EMCN: variants seen among roughly 807,000 people sequenced by gnomAD.
EMCN encodes the protein endomucin.
In EMCN, 37 loss-of-function variants were observed where a neutral mutation model predicts 38.4. That is an observed-to-expected ratio of 0.96 (90% CI 0.74 to 1.27). The LOEUF is 1.27. EMCN is among the 50% of genes most tolerant of loss of function. The pLI is 0.00. For synonymous variants in EMCN, 95 were observed against 100.8 expected, an observed-to-expected ratio of 0.94 and a Z score of 0.35; for missense variants, 318 against 302.8, an observed-to-expected ratio of 1.05 and a Z score of -0.37.
Position 100,511,677 on chromosome 4 carries a change from G to A in EMCN, c.64+6174C>T, listed in dbSNP as rs148298362. Among the ~76,000 whole-genome samples, 4 of 152,178 alleles carry A rather than the reference G, an allele frequency of 2.6e-5. No individual in the cohort carries two copies. The East Asian group carries it at 7.7e-4, about 29-fold the overall frequency. Reference sequence around the variant, plus strand: ...TTCTTTGAAATGAAAAGGAAGAAGGGTAGTACATATTAATGAGAGTGTCAG... The same window carrying A: ...TTCTTTGAAATGAAAAGGAAGAAGGATAGTACATATTAATGAGAGTGTCAG... On this transcript the variant is annotated intron_variant, in intron 1 of 11. Coordinates refer to ENST00000296420, the MANE Select transcript of EMCN (RefSeq NM_016242.4).
intron 5 of EMCN, among the ~76,000 whole-genome samples, chr4:100,436,112 T>A (rs968776750): frequency 6.6e-6 from 1 of 151,618 alleles, no homozygotes; most frequent in South Asian, 2.1e-4. Flanking sequence ...TAGGAAAAAA[T>A]TTTTGCAATC....
intron 1 of EMCN, among the ~76,000 whole-genome samples, chr4:100,493,447 T>G (rs997342981): frequency 6.6e-5 from 10 of 152,196 alleles, no homozygotes; most frequent in Admixed American, 6.5e-5. Flanking sequence ...TTCTGTGGGC[T>G]CCACATTAAG....
chr4:100,477,849 G>A (rs736518), intron 2 of EMCN, among the ~76,000 whole-genome samples: 39,400 of 151,880 alleles, frequency 0.26, 5,594 homozygotes, highest in African/African-American at 0.36. Flanking sequence ...GAATGGGACA[G>A]TGTATAAAAC....
chr4:100,435,323 G>A (rs908934382), intron 5 of EMCN, among the ~76,000 whole-genome samples: 2 of 152,126 alleles, frequency 1.3e-5, no homozygotes, highest in Non-Finnish European at 2.9e-5. Flanking sequence ...AACAAGGGAA[G>A]CAAAGGACCT....
chr4:100,399,011 G>T (rs1254455341), intron 11 of EMCN, among the ~76,000 whole-genome samples: 1 of 152,182 alleles, frequency 6.6e-6, no homozygotes, highest in Non-Finnish European at 1.5e-5. Flanking sequence ...GGGTGACAAT[G>T]TGAGTAATTA....
intron 4 of EMCN, 52 bp downstream of exon 4, chr4:100,465,371 A>G (rs971246903): frequency 4.0e-6 from 4 of 991,986 alleles, no homozygotes; most frequent in Non-Finnish European, 6.1e-6. Context: ...TTCTGAAACT[A>G]GTTTTATGCA....
intron 5 of EMCN, among the ~76,000 whole-genome samples, chr4:100,430,504 A>G (rs918757111): frequency 6.6e-6 from 1 of 152,212 alleles, no homozygotes; most frequent in Admixed American, 6.6e-5. Flanking sequence ...AGAAACAAGG[A>G]GACAGGGAGA....
intron 8 of EMCN, among the ~76,000 whole-genome samples, chr4:100,420,521 C>T (rs1347197): frequency 2.6e-5 from 4 of 151,936 alleles, no homozygotes; most frequent in African/African-American, 9.7e-5. Flanking sequence ...TTTGCAATTA[C>T]GGTAACATGA....
intron 4 of EMCN, among the ~76,000 whole-genome samples, chr4:100,451,550 A>T (rs1325044555): frequency 6.6e-6 from 1 of 151,968 alleles, no homozygotes; most frequent in Non-Finnish European, 1.5e-5. Flanking sequence ...TTGAACACCT[A>T]CTTGTCAAGT....
chr4:100,446,087 G>A (rs1308550561), intron 5 of EMCN: 3 of 985,174 alleles, frequency 3.0e-6, no homozygotes, highest in African/African-American at 1.7e-5. Context: ...CTGACAATTT[G>A]GCTGCTTCCC....
At chr4:100,498,989 C>T (rs1326452567) in intron 1 of EMCN, among the ~76,000 whole-genome samples, 1 of 151,764 alleles carries the variant, frequency 6.6e-6, no homozygotes, top group Admixed American at 6.6e-5. Context: ...AAAAAATATC[C>T]TCAAGTGTAC....
chr4:100,479,144 G>C (rs978611592), intron 2 of EMCN, among the ~76,000 whole-genome samples: 2 of 152,088 alleles, frequency 1.3e-5, no homozygotes, highest in African/African-American at 4.8e-5. Context: ...GGGGGGAATA[G>C]AAAGAGGTAA....
chr4:100,441,891 G>A (rs532005069), intron 5 of EMCN, among the ~76,000 whole-genome samples: 47 of 152,090 alleles, frequency 3.1e-4, no homozygotes, highest in South Asian at 8.3e-4. Context: ...ACATTTAACC[G>A]TCATGCTAGA....
rs558842823 is a variant in EMCN, at chr4:100,517,273, G to GT, written c.64+577dup. On this transcript the variant is annotated intron_variant, in intron 1 of 11. Transcript: ENST00000296420. ...AATGTTATGCAAAATGTATGTATAT[G>GT]TTTAGATATGTGCATATTTCTTCAG... Among the ~76,000 whole-genome samples, 915 of 152,112 alleles carry GT rather than the reference G, an allele frequency of 6.0e-3. 11 individuals carry two copies. Among genetic ancestry groups the GT allele is most frequent in the African/African-American group, 0.021 (852 of 41,526 alleles).
At chr4:100,415,108 G>A (rs931972074) in intron 10 of EMCN, among the ~76,000 whole-genome samples, 2 of 152,044 alleles carry the variant, frequency 1.3e-5, no homozygotes, top group South Asian at 2.1e-4. Flanking sequence ...TTTTGGCCAC[G>A]CTGGTCTCAA....
chr4:100,444,703 T>A (rs1293958227), intron 5 of EMCN, among the ~76,000 whole-genome samples: 1 of 151,968 alleles, frequency 6.6e-6, no homozygotes, highest in Non-Finnish European at 1.5e-5. Context: ...TAACAAAACA[T>A]CAGGGATGGA....
chr4:100,435,739 C>T (rs1257019155), intron 5 of EMCN, among the ~76,000 whole-genome samples: 1 of 152,148 alleles, frequency 6.6e-6, no homozygotes, highest in Non-Finnish European at 1.5e-5. Flanking sequence ...CTAAAACCAT[C>T]TGATCTTCAA....
intron 1 of EMCN, among the ~76,000 whole-genome samples, chr4:100,504,709 C>A (rs1304467900): frequency 6.6e-6 from 1 of 152,182 alleles, no homozygotes; most frequent in Non-Finnish European, 1.5e-5. Flanking sequence ...ACGCCTTTTG[C>A]CAAGCGGACC....
chr4:100,420,142 C>T (rs1726848926), intron 8 of EMCN, among the ~76,000 whole-genome samples: 1 of 151,942 alleles, frequency 6.6e-6, no homozygotes, highest in South Asian at 2.1e-4. Flanking sequence ...TAGTAAGGGC[C>T]TGCTATATAT....
Sources: gnomAD v4.1 joint callset for allele counts (sites outside exome capture counted in the v4.1 genomes callset) on GRCh38, gnomAD v4.1.1 for gene constraint, MANE v1.5 for transcripts, NCBI Gene and HGNC (gene_info 2026-07-23, HGNC 2026-07-21) for gene names.